Variants in FGF13 observed in about 807,000 individuals in gnomAD.
FGF13 encodes fibroblast growth factor 13, also known as fibroblast growth factor homologous factor 2.
Under a neutral mutation model 19.5 loss-of-function variants are expected in FGF13, and 2 were observed. That is an observed-to-expected ratio of 0.10 (90% CI 0.04 to 0.32). FGF13 has a LOEUF of 0.32. FGF13 is among the 10% of genes least tolerant of loss of function. The probability of loss-of-function intolerance (pLI) is 1.00; values close to 1 mark genes in which losing one functional copy is unlikely to be tolerated. For missense variants in FGF13, 113 were observed against 192.7 expected (o/e 0.59, Z 2.45); for synonymous variants, 72 against 76.9 (o/e 0.94, Z 0.33).
chrX:139,025,218 C>T (rs1014417036), intron 1 of FGF13, among the ~76,000 whole-genome samples: 8 of 111,951 alleles, frequency 7.1e-5, no homozygotes, highest in African/African-American at 2.3e-4. Flanking sequence ...AAGAGAAAGA[C>T]ATGCAAATCT....
chrX:138,815,776 A>G (rs2090957556), intron 3 of FGF13, among the ~76,000 whole-genome samples: 1 of 111,086 alleles, frequency 9.0e-6, no homozygotes, highest in Admixed American at 9.7e-5. Flanking sequence ...ATAATTTAAA[A>G]AAAAAAGAAG....
At chrX:138,833,800 T>C (rs893184976) in intron 3 of FGF13, among the ~76,000 whole-genome samples, 1 of 112,033 alleles carries the variant, frequency 8.9e-6, no homozygotes, top group Non-Finnish European at 1.9e-5. Context: ...GGCTTTGTTA[T>C]AGATGGTTTT....
chrX:138,932,567 G>A (rs756846831), intron 1 of FGF13, among the ~76,000 whole-genome samples: 3 of 110,371 alleles, frequency 2.7e-5, no homozygotes, highest in African/African-American at 6.6e-5. Context: ...GCACCATTGC[G>A]CTCCAGCTTG....
rs965618437 is a variant in FGF13, at chrX:138,999,895, G to C, written c.-112-135245C>G. On this transcript the variant is annotated intron_variant, in intron 1 of 2. Transcript: ENST00000421460. ...AGAGACACAACAAAAAAAGAAAATTGTAGGCCAATATCCACGATGAACATC... is the reference window on the plus strand; with the variant it reads ...AGAGACACAACAAAAAAAGAAAATTCTAGGCCAATATCCACGATGAACATC... 1.6e-4 allele frequency among the ~76,000 whole-genome samples: 18 copies of C among 111,512 alleles called. No individual in the cohort carries two copies. In the Admixed American group the frequency reaches 1.6e-3, roughly 10 times the overall value.
chrX:138,769,363 T>C (rs2090527986), intron 3 of FGF13, among the ~76,000 whole-genome samples: 1 of 111,931 alleles, frequency 8.9e-6, no homozygotes, highest in Non-Finnish European at 1.9e-5. Flanking sequence ...AGTTACCAGC[T>C]GTGTAACTTT....
At chrX:138,685,372 C>T (rs1052711389) in intron 3 of FGF13, among the ~76,000 whole-genome samples, 3 of 110,587 alleles carry the variant, frequency 2.7e-5, no homozygotes, top group Admixed American at 9.7e-5. Context: ...TGGCCAGCAC[C>T]CCTAACAAAT....
chrX:138,828,694 AAC>A (rs1421850750), intron 3 of FGF13, among the ~76,000 whole-genome samples: 1 of 111,767 alleles, frequency 8.9e-6, no homozygotes, highest in African/African-American at 3.3e-5. Flanking sequence ...AATGGTGTGG[AAC>A]AGTCAATATT....
intron 1 of FGF13, among the ~76,000 whole-genome samples, chrX:139,075,750 A>G (rs922828160): frequency 9.8e-5 from 11 of 111,977 alleles, no homozygotes; most frequent in Non-Finnish European, 1.7e-4. Flanking sequence ...TAATTTTTAA[A>G]CCTGTATATT....
intron 1 of FGF13, among the ~76,000 whole-genome samples, chrX:139,021,664 T>A (rs1308367875): frequency 9.0e-6 from 1 of 110,776 alleles, no homozygotes; most frequent in Non-Finnish European, 1.9e-5. Flanking sequence ...CTCCCCAAAA[T>A]TCCAAAGAAT....
rs2089112122 is a variant in FGF13, at chrX:138,631,216, T to G, written c.*1634A>C. ...TAAAAAAATTTACATTTTCCTTCAG[T>G]TCTCAAAGGTAGAAAGGACACTATT... On this transcript the variant is annotated 3_prime_UTR_variant, in exon 5 of 5. Transcript: ENST00000315930. The G allele has an allele frequency of 8.9e-6, 1 of 112,081 alleles. No homozygotes were observed. The highest frequency in any genetic ancestry group is 1.9e-5 in the Non-Finnish European group (1 of 53,257). 9.2% of individuals were successfully genotyped at this position (112,081 alleles called of 1,213,427 possible). A position where few individuals can be genotyped will look rare whatever the true frequency, so the allele number is the denominator to read the frequency against.
At chrX:138,860,917 G>T (rs892606158) in intron 2 of FGF13, among the ~76,000 whole-genome samples, 1 of 112,215 alleles carries the variant, frequency 8.9e-6, no homozygotes, top group Non-Finnish European at 1.9e-5. Flanking sequence ...AGTCTCACAG[G>T]AGTAGTGCAG....
intron 3 of FGF13, among the ~76,000 whole-genome samples, chrX:138,827,770 AATC>A (rs1366716362): frequency 8.9e-6 from 1 of 111,918 alleles, no homozygotes; most frequent in Non-Finnish European, 1.9e-5. Flanking sequence ...CTCAGAGCTA[AATC>A]ATCATAATCA....
intron 3 of FGF13, among the ~76,000 whole-genome samples, chrX:138,688,103 G>A (rs1228615468): frequency 1.8e-5 from 2 of 108,785 alleles, no homozygotes; most frequent in African/African-American, 6.7e-5. Context: ...CTACAGGTGC[G>A]TGCCACCATG....
Position 139,115,367 on chromosome X carries a change from T to C in FGF13, c.-113+88049A>G, listed in dbSNP as rs766376187. On this transcript the variant is annotated intron_variant, in intron 1 of 2. Transcript: ENST00000421460. Reference sequence around the variant, plus strand: ...CCTATCCTCTTTTCTAACTGATATGTAAAAGACAATCACTAGGTGAGGCTT... The same window carrying C: ...CCTATCCTCTTTTCTAACTGATATGCAAAAGACAATCACTAGGTGAGGCTT... Among the ~76,000 whole-genome samples the C allele has an allele frequency of 2.7e-5, 3 of 112,417 alleles. No homozygotes were observed. In the South Asian group the frequency reaches 1.1e-3, roughly 41 times the overall value.
chrX:139,017,337 A>T (rs965755828), intron 1 of FGF13, among the ~76,000 whole-genome samples: 1 of 32,502 alleles, frequency 3.1e-5, no homozygotes, highest in Non-Finnish European at 6.5e-5. Context: ...ATATACATGT[A>T]TGTATATATA....
At chrX:138,635,721 G>T in intron 3 of FGF13, 66 bp from the exon 4 acceptor site, 1 of 885,746 alleles carries the variant, frequency 1.1e-6, no homozygotes, top group African/African-American at 2.0e-5. Context: ...AGAATCATGT[G>T]GTATTGCCTT....
rs140120251 is a variant in FGF13 at position 139,019,275 on chromosome X, G to A, written c.-112-154625C>T. On this transcript the variant is annotated intron_variant, in intron 1 of 2. Transcript: ENST00000421460. ...GCTTTGTGAAATGAAATGATTCAACGTATACTTTGGATGTATGTTAGAAAA... is the reference window on the plus strand; with the variant it reads ...GCTTTGTGAAATGAAATGATTCAACATATACTTTGGATGTATGTTAGAAAA... Among the ~76,000 whole-genome samples, 109 of 111,351 alleles carry A rather than the reference G, an allele frequency of 9.8e-4. 1 individual carries two copies. In the East Asian group the frequency reaches 0.019, roughly 19 times the overall value.
At chrX:138,645,132 T>C (rs1298830796) in intron 3 of FGF13, among the ~76,000 whole-genome samples, 1 of 111,730 alleles carries the variant, frequency 9.0e-6, no homozygotes, top group Non-Finnish European at 1.9e-5. Context: ...CCAGGCACTG[T>C]GACAGCCCCC....
chrX:138,861,373 C>G (rs2091287445), intron 2 of FGF13, among the ~76,000 whole-genome samples: 1 of 112,482 alleles, frequency 8.9e-6, no homozygotes, highest in African/African-American at 3.2e-5. Flanking sequence ...GCAATGTATC[C>G]TTTAAATATA....
Sources: gnomAD v4.1 joint callset for allele counts (sites outside exome capture counted in the v4.1 genomes callset) on GRCh38, gnomAD v4.1.1 for gene constraint, MANE v1.5 for transcripts, NCBI Gene and HGNC (gene_info 2026-07-23, HGNC 2026-07-21) for gene names.